Variants in DIS3L2 observed in about 807,000 individuals in gnomAD.
The protein encoded by DIS3L2 is DIS3-like exonuclease 2.
A neutral mutation model predicts 97.5 loss-of-function variants in DIS3L2; 34 were observed. The ratio of observed to expected loss-of-function variants is 0.35; its 90% confidence interval spans 0.27 to 0.46. The LOEUF (loss-of-function observed/expected upper bound fraction) is 0.46. DIS3L2 is among the 20% of genes least tolerant of loss of function. The pLI, the probability that DIS3L2 is intolerant of heterozygous loss-of-function variation, is 1.00. For missense variants in DIS3L2, 1,038 were observed against 1,146.0 expected (o/e 0.91, Z 1.36); for synonymous variants, 435 against 445.2 (o/e 0.98, Z 0.29).
intron 10 of DIS3L2, among the ~76,000 whole-genome samples, chr2:232,231,028 T>C (rs985300373): frequency 1.3e-5 from 2 of 152,220 alleles, no homozygotes; most frequent in East Asian, 3.9e-4. Flanking sequence ...AGACACCTTT[T>C]CATTACTAAT....
At position 232,117,399 on chromosome 2, in the gene DIS3L2, A is replaced by T. The variant is rs532822279; in HGVS notation, c.602-13220A>T. Reference sequence around the variant, plus strand: ...TGTCTTGGTTACTTCACAGGTTCTTACGTAAATCAGATGATTCTTGCATAG... The same window carrying T: ...TGTCTTGGTTACTTCACAGGTTCTTTCGTAAATCAGATGATTCTTGCATAG... On this transcript the variant is annotated intron_variant, in intron 6 of 20. Transcript: ENST00000325385. Among the ~76,000 whole-genome samples, 43 of 152,324 alleles carry T rather than the reference A, an allele frequency of 2.8e-4. 1 individual carries two copies. Among genetic ancestry groups the T allele is most frequent in the Non-Finnish European group, 5.9e-5 (4 of 68,028 alleles).
At chr2:232,078,832 T>C (rs1050250553) in intron 5 of DIS3L2, among the ~76,000 whole-genome samples, 1 of 152,204 alleles carries the variant, frequency 6.6e-6, no homozygotes, top group African/African-American at 2.4e-5. Context: ...TAAATTGCTT[T>C]GGGACTTCAA....
At chr2:232,324,178 G>A (rs1695513425) in intron 14 of DIS3L2, among the ~76,000 whole-genome samples, 2 of 152,338 alleles carry the variant, frequency 1.3e-5, no homozygotes, top group Middle Eastern at 3.4e-3. Context: ...TTCTGAGACA[G>A]GCCCAGCAGC....
At chr2:232,341,497 TCA>T (rs35403327), downstream of DIS3L2, among the ~76,000 whole-genome samples, 17,535 of 152,176 alleles carry the variant, frequency 0.12, 1,437 homozygotes, top group African/African-American at 0.23. Context: ...AGGTAGCTAG[TCA>T]CAGTTTACGA....
intron 1 of DIS3L2, among the ~76,000 whole-genome samples, chr2:231,970,285 T>C (rs758784092): frequency 3.3e-5 from 5 of 152,178 alleles, no homozygotes; most frequent in Non-Finnish European, 5.9e-5. Flanking sequence ...ATCGCATCGA[T>C]TTTCAAATAC....
intron 9 of DIS3L2, among the ~76,000 whole-genome samples, chr2:232,176,490 T>C (rs1046950395): frequency 3.9e-5 from 6 of 151,966 alleles, no homozygotes; most frequent in African/African-American, 1.4e-4. Flanking sequence ...CTCTAATCTT[T>C]GTTATTTTCT....
At chr2:232,242,651 T>G (rs1458248843) in intron 11 of DIS3L2, among the ~76,000 whole-genome samples, 1 of 152,214 alleles carries the variant, frequency 6.6e-6, no homozygotes, top group African/African-American at 2.4e-5. Context: ...TTTTATAGTC[T>G]TGTTGGTACC....
intron 6 of DIS3L2, among the ~76,000 whole-genome samples, chr2:232,094,960 T>G (rs914268606): frequency 6.6e-6 from 1 of 152,146 alleles, no homozygotes; most frequent in Admixed American, 6.5e-5. Context: ...TATCTGATAT[T>G]AATATAGGTA....
chr2:232,226,786 T>C (rs1692661888), intron 10 of DIS3L2, among the ~76,000 whole-genome samples: 1 of 152,094 alleles, frequency 6.6e-6, no homozygotes, highest in South Asian at 2.1e-4. Context: ...AGCCTGGGCA[T>C]AGTGAGACCC....
At chr2:232,205,557 C>T (rs887781193) in intron 9 of DIS3L2, among the ~76,000 whole-genome samples, 10 of 152,200 alleles carry the variant, frequency 6.6e-5, no homozygotes, top group Admixed American at 2.6e-4. Flanking sequence ...CCACCGCGGC[C>T]TCCCAAAGTG....
intron 9 of DIS3L2, among the ~76,000 whole-genome samples, chr2:232,202,302 G>T (rs1691913843): frequency 6.6e-6 from 1 of 152,154 alleles, no homozygotes; most frequent in Non-Finnish European, 1.5e-5. Flanking sequence ...GGAGGCTGTG[G>T]CAGGAGAACC....
At chr2:232,099,629 T>G (rs1386701848) in intron 6 of DIS3L2, among the ~76,000 whole-genome samples, 2 of 152,254 alleles carry the variant, frequency 1.3e-5, no homozygotes, top group East Asian at 3.8e-4. Flanking sequence ...TTCTGAGAGT[T>G]TACTGTTTTT....
intron 3 of DIS3L2, among the ~76,000 whole-genome samples, chr2:232,018,102 A>G (rs557700449): frequency 6.7e-4 from 102 of 152,346 alleles, no homozygotes; most frequent in African/African-American, 2.2e-3. Flanking sequence ...TTCAGTTGTT[A>G]GAACTTGAAA....
At chr2:232,189,275 A>T (rs1006991583) in intron 9 of DIS3L2, among the ~76,000 whole-genome samples, 1 of 152,220 alleles carries the variant, frequency 6.6e-6, no homozygotes, top group Admixed American at 6.5e-5. Flanking sequence ...CTGTACATGA[A>T]TTTCTATAGC....
intron 12 of DIS3L2, among the ~76,000 whole-genome samples, chr2:232,258,765 G>A (rs1192281866): frequency 6.6e-6 from 1 of 152,184 alleles, no homozygotes; most frequent in Middle Eastern, 3.2e-3. Context: ...TGTGAATCCA[G>A]TTTCCAAATT....
rs143860517 is a variant in DIS3L2 at position 232,220,230 on chromosome 2, G to A, written c.1204+9825G>A. ...AGGCTGAGGTGGGAAGACCACTTGA[G>A]CCTGGGGGTTCAAGCCTGCAGTGAG... On this transcript the variant is annotated intron_variant, in intron 10 of 20. Coordinates refer to ENST00000325385, the MANE Select transcript of DIS3L2 (RefSeq NM_152383.5). Among the ~76,000 whole-genome samples the A allele has an allele frequency of 3.3e-3, 496 of 152,156 alleles. 1 individual carries two copies. The highest frequency in any genetic ancestry group is 4.6e-3 in the Non-Finnish European group (316 of 67,994).
intron 12 of DIS3L2, among the ~76,000 whole-genome samples, chr2:232,252,525 AAAAG>A (rs1470479965): frequency 6.6e-6 from 1 of 152,160 alleles, no homozygotes; most frequent in African/African-American, 2.4e-5. Flanking sequence ...ATGTAGCTGG[AAAAG>A]AAAGGAGCAT....
At chr2:232,210,769 G>A (rs991652153) in intron 10 of DIS3L2, among the ~76,000 whole-genome samples, 9 of 151,636 alleles carry the variant, frequency 5.9e-5, no homozygotes, top group Non-Finnish European at 2.9e-5. Flanking sequence ...AGAGACATAG[G>A]GTTCTTTACC....
At chr2:232,017,961 T>C (rs757327324) in intron 3 of DIS3L2, among the ~76,000 whole-genome samples, 3 of 152,236 alleles carry the variant, frequency 2.0e-5, no homozygotes, top group Non-Finnish European at 4.4e-5. Context: ...GGCAGGGTCA[T>C]GTCTTGTTCC....
Sources: gnomAD v4.1 joint callset for allele counts (sites outside exome capture counted in the v4.1 genomes callset) on GRCh38, gnomAD v4.1.1 for gene constraint, MANE v1.5 for transcripts, NCBI Gene and HGNC (gene_info 2026-07-23, HGNC 2026-07-21) for gene names.